The following CMIP variants were observed in gnomAD, a reference collection of about 807,000 sequenced individuals.
CMIP encodes the protein c-Maf inducing protein.
In CMIP, 13 loss-of-function variants were observed where a neutral mutation model predicts 97.3. That is an observed-to-expected ratio of 0.13 (90% CI 0.09 to 0.21). The LOEUF is 0.21. CMIP is among the 10% of genes least tolerant of loss of function. The pLI is 1.00. For missense variants in CMIP, 847 were observed against 1,024.9 expected (o/e 0.83, Z 2.37); for synonymous variants, 538 against 436.3 (o/e 1.23, Z -2.91).
intron 1 of CMIP, among the ~76,000 whole-genome samples, chr16:81,591,810 TTTTCTTTC>T (rs536480150): frequency 1.6e-4 from 24 of 149,700 alleles, no homozygotes; most frequent in African/African-American, 5.8e-4. Context: ...AGTTTACTGG[TTTTCTTTC>T]TTTCTTTCTT....
chr16:81,687,058 C>T (rs1905480344), intron 10 of CMIP, among the ~76,000 whole-genome samples: 1 of 152,338 alleles, frequency 6.6e-6, no homozygotes, highest in South Asian at 2.1e-4. Flanking sequence ...AGTCAGCATC[C>T]CACTCGATCT....
intron 1 of CMIP, among the ~76,000 whole-genome samples, chr16:81,547,397 T>A (rs1011169849): frequency 1.3e-5 from 2 of 152,306 alleles, no homozygotes; most frequent in South Asian, 4.1e-4. Context: ...GGCTCCCTGC[T>A]GGCCCTTCCA....
chr16:81,544,628 G>T (rs2090510467), intron 1 of CMIP, among the ~76,000 whole-genome samples: 1 of 151,794 alleles, frequency 6.6e-6, no homozygotes, highest in Non-Finnish European at 1.5e-5. Context: ...GTGCATGTGT[G>T]CATGTGTGTG....
At chr16:81,568,050 T>G (rs1220296030) in intron 1 of CMIP, among the ~76,000 whole-genome samples, 4 of 149,754 alleles carry the variant, frequency 2.7e-5, no homozygotes, top group South Asian at 4.2e-4. Context: ...TTTTTTTTTT[T>G]TTTTTTTTTT....
chr16:81,553,170 C>A (rs2090692715), intron 1 of CMIP, among the ~76,000 whole-genome samples: 1 of 152,204 alleles, frequency 6.6e-6, no homozygotes, highest in South Asian at 2.1e-4. Flanking sequence ...CCCTCGTTTT[C>A]TTCCACCCTG....
At chr16:81,632,442 C>T (rs754203749) in intron 3 of CMIP, among the ~76,000 whole-genome samples, 4 of 152,178 alleles carry the variant, frequency 2.6e-5, no homozygotes, top group Non-Finnish European at 5.9e-5. Flanking sequence ...TAATATATGT[C>T]GCAGCAGTGT....
At chr16:81,708,279 C>T (rs1311704592) in intron 20 of CMIP, among the ~76,000 whole-genome samples, 3 of 152,246 alleles carry the variant, frequency 2.0e-5, no homozygotes, top group African/African-American at 7.2e-5. Context: ...CTCAGGGTGG[C>T]GTCTGCAGAC....
chr16:81,699,942 C>T (rs1445435526), intron 15 of CMIP, 141 bp downstream of exon 15: 1 of 608,264 alleles, frequency 1.6e-6, no homozygotes, highest in East Asian at 2.8e-5. Flanking sequence ...CCGTCCTGAG[C>T]TTAGTGGGAG....
intron 1 of CMIP, among the ~76,000 whole-genome samples, chr16:81,581,233 G>A (rs920497232): frequency 2.6e-5 from 4 of 152,176 alleles, no homozygotes; most frequent in African/African-American, 7.2e-5. Context: ...AAGCGGCCGT[G>A]AGCATTCTTG....
chr16:81,602,170 C>T (rs1567604187), intron 1 of CMIP, among the ~76,000 whole-genome samples: 1 of 151,980 alleles, frequency 6.6e-6, no homozygotes, highest in Non-Finnish European at 1.5e-5. Context: ...TTGATGGTGG[C>T]GGAATATTTT....
Position 81,586,036 on chromosome 16 carries a change from G to A in CMIP, c.301-21531G>A, listed in dbSNP as rs1035609255. Among the ~76,000 whole-genome samples the A allele has an allele frequency of 4.6e-5, 7 of 151,756 alleles. No individual in the cohort carries two copies. The East Asian group carries it at 7.8e-4, about 17-fold the overall frequency. The stretch of plus-strand genomic sequence containing the variant: ...ACAAACGCATGGCATTCTCACAGCC[G>A]GACTCCATTGCTCCCTCTAGCTTCA... On this transcript the variant is annotated intron_variant, in intron 1 of 20. Transcript: ENST00000537098.
chr16:81,504,873 T>A (rs1417724215), intron 1 of CMIP, among the ~76,000 whole-genome samples: 1 of 152,154 alleles, frequency 6.6e-6, no homozygotes, highest in Non-Finnish European at 1.5e-5. Context: ...TCATTATAGT[T>A]TTCAAAAATA....
At chr16:81,572,695 C>T (rs577264967) in intron 1 of CMIP, among the ~76,000 whole-genome samples, 1 of 152,318 alleles carries the variant, frequency 6.6e-6, no homozygotes, top group South Asian at 2.1e-4. Context: ...GTCCAGGCTC[C>T]TTGATCGCTG....
rs151296441 is a variant in CMIP, at chr16:81,657,829, C to T, written c.681+13C>T. 1.7e-4 allele frequency: 274 copies of T among 1,599,058 alleles called. No homozygotes were observed. In the African/African-American group the frequency reaches 3.4e-3, roughly 20 times the overall value. On this transcript the variant is annotated intron_variant, in intron 5 of 20. Transcript: ENST00000537098. Reference sequence around the variant, plus strand: ...AAACATCATTGTGGTAAGTTCCTCTCGAACACGCTCCCTCCACCCACCTCC... The same window carrying T: ...AAACATCATTGTGGTAAGTTCCTCTTGAACACGCTCCCTCCACCCACCTCC...
At chr16:81,673,110 C>T (rs887602779) in intron 9 of CMIP, among the ~76,000 whole-genome samples, 1 of 152,192 alleles carries the variant, frequency 6.6e-6, no homozygotes, top group African/African-American at 2.4e-5. Context: ...GCTTTGGAGC[C>T]TCCAAAAGGA....
At chr16:81,679,405 G>A (rs1285141870) in intron 10 of CMIP, among the ~76,000 whole-genome samples, 2 of 152,088 alleles carry the variant, frequency 1.3e-5, no homozygotes, top group African/African-American at 2.4e-5. Context: ...TTCTCTGTAT[G>A]TTTGCAGGTA....
intron 1 of CMIP, among the ~76,000 whole-genome samples, chr16:81,602,461 A>G (rs78591440): frequency 1.4e-4 from 22 of 152,360 alleles, no homozygotes; most frequent in East Asian, 1.3e-3. Flanking sequence ...ATTTACATAC[A>G]GTAAGAGTCA....
chr16:81,452,172 A>G (rs1448169494), intron 1 of CMIP, among the ~76,000 whole-genome samples: 2 of 152,208 alleles, frequency 1.3e-5, no homozygotes, highest in Non-Finnish European at 2.9e-5. Context: ...GGCCACAGGA[A>G]GAGAACACGG....
intron 1 of CMIP, among the ~76,000 whole-genome samples, chr16:81,520,784 C>T (rs1373602538): frequency 6.6e-6 from 1 of 152,104 alleles, no homozygotes; most frequent in Non-Finnish European, 1.5e-5. Context: ...TTCTCTGAGC[C>T]TCATTCCTGT....
Sources: allele counts gnomAD v4.1 joint callset (sites outside exome capture counted in the v4.1 genomes callset), GRCh38; gene constraint gnomAD v4.1.1; transcripts MANE v1.5; gene names NCBI Gene and HGNC (gene_info 2026-07-23, HGNC 2026-07-21).